CTNND2: variants seen among roughly 807,000 people sequenced by gnomAD.
CTNND2 encodes the protein catenin delta-2.
CTNND2 carries 22 observed loss-of-function variants against 144.4 expected under a neutral mutation model. The ratio of observed to expected loss-of-function variants is 0.15; its 90% CI spans 0.11 to 0.22. The LOEUF (loss-of-function observed/expected upper bound fraction) is 0.22. Among genes scored for constraint, CTNND2 ranks in the 10% least tolerant of loss-of-function variants. The pLI, the probability that CTNND2 is intolerant of heterozygous loss-of-function variation, is 1.00. For missense variants in CTNND2, 1,353 were observed against 1,618.8 expected, an observed-to-expected ratio of 0.84 and a Z score of 2.82; for synonymous variants, 751 against 695.6, an observed-to-expected ratio of 1.08 and a Z score of -1.25.
chr5:11,773,159 T>C (rs73047167), intron 1 of CTNND2, among the ~76,000 whole-genome samples: 2,889 of 152,252 alleles, frequency 0.019, 89 homozygotes, highest in African/African-American at 0.062. Flanking sequence ...AGTGCACCTA[T>C]TTTAGGAAGT....
At chr5:11,111,696 G>A (rs918690747) in intron 13 of CTNND2, among the ~76,000 whole-genome samples, 47 of 152,156 alleles carry the variant, frequency 3.1e-4, no homozygotes, top group African/African-American at 1.0e-3. Flanking sequence ...ATTTAGCTGT[G>A]GGACTTTGGA....
chr5:11,083,856 C>T (rs1181043458), intron 15 of CTNND2: 3 of 1,094,274 alleles, frequency 2.7e-6, no homozygotes, highest in Non-Finnish European at 3.4e-6. Flanking sequence ...CCCATGGGGG[C>T]AGGCACCCCA....
intron 9 of CTNND2, among the ~76,000 whole-genome samples, chr5:11,332,839 A>G (rs2149718332): frequency 6.6e-6 from 1 of 152,228 alleles, no homozygotes; most frequent in East Asian, 1.9e-4. Flanking sequence ...AATTCCCTAT[A>G]CTGCTCTTGT....
chr5:11,575,900 A>G (rs76246179), intron 2 of CTNND2, among the ~76,000 whole-genome samples: 1,734 of 152,196 alleles, frequency 0.011, 12 homozygotes, highest in Non-Finnish European at 0.02. Flanking sequence ...GAAAGCCTCA[A>G]TGACTAGTTC....
chr5:11,756,681 A>C (rs532379047), intron 1 of CTNND2, among the ~76,000 whole-genome samples: 1 of 150,752 alleles, frequency 6.6e-6, no homozygotes, highest in East Asian at 2.0e-4. Flanking sequence ...CACTTAACAG[A>C]AATGTGATGA....
At position 11,199,618 on chromosome 5, in the gene CTNND2, T is replaced by G; in HGVS notation, c.1805A>C (p.Asp602Ala). The G allele has an allele frequency of 1.2e-6, 2 of 1,614,174 alleles. No individual in the cohort carries two copies. The highest frequency in any genetic ancestry group is 1.7e-6 in the Non-Finnish European group (2 of 1,180,032). Residue 602 changes from aspartate to alanine, a missense_variant, in exon 11 of 22, where the codon GAT (aspartate) becomes GCT (alanine). By Grantham distance (126) the Asp-to-Ala change is moderately radical (BLOSUM62 -2). Transcript: ENST00000304623. ...GGIQLLVDLL[D>A]HRMTEVHRSA... ...ACGGTGGACTTCGGTCATCCGATGATCCAACAGGTCCACCAGGAGCTGGAT... is the reference window on the plus strand; with the variant it reads ...ACGGTGGACTTCGGTCATCCGATGAGCCAACAGGTCCACCAGGAGCTGGAT...
intron 14 of CTNND2, among the ~76,000 whole-genome samples, chr5:11,110,252 AG>A (rs1158755655): frequency 6.6e-6 from 1 of 152,112 alleles, no homozygotes; most frequent in Non-Finnish European, 1.5e-5. Flanking sequence ...GCAGCAGGTG[AG>A]GGCCATTCTG....
intron 9 of CTNND2, among the ~76,000 whole-genome samples, chr5:11,286,416 C>T (rs1054021898): frequency 2.0e-5 from 3 of 152,152 alleles, no homozygotes; most frequent in Non-Finnish European, 4.4e-5. Context: ...AAGGTAGGTG[C>T]TTGTATTAGA....
intron 3 of CTNND2, among the ~76,000 whole-genome samples, chr5:11,452,312 A>G (rs1765376336): frequency 6.6e-6 from 1 of 152,266 alleles, no homozygotes; most frequent in African/African-American, 2.4e-5. Context: ...TGGTAAACAG[A>G]AATGAATTTC....
chr5:11,741,663 A>G (rs115082223), intron 1 of CTNND2, among the ~76,000 whole-genome samples: 2,084 of 151,858 alleles, frequency 0.014, 38 homozygotes, highest in African/African-American at 0.044. Flanking sequence ...GCACATGTAT[A>G]CTTACATAAC....
intron 3 of CTNND2, among the ~76,000 whole-genome samples, chr5:11,514,656 G>A (rs1771997858): frequency 1.3e-5 from 2 of 152,218 alleles, no homozygotes; most frequent in Admixed American, 6.5e-5. Context: ...TGTAGTGACA[G>A]TTGACACACA....
At chr5:11,105,240 T>G (rs1362346725) in intron 14 of CTNND2, among the ~76,000 whole-genome samples, 3 of 152,270 alleles carry the variant, frequency 2.0e-5, no homozygotes, top group African/African-American at 7.2e-5. Flanking sequence ...GCTTTGTCCC[T>G]GACGTGCCAA....
At chr5:11,239,678 T>C (rs1580677839) in intron 9 of CTNND2, among the ~76,000 whole-genome samples, 2 of 152,240 alleles carry the variant, frequency 1.3e-5, no homozygotes, top group African/African-American at 4.8e-5. Flanking sequence ...CGCCCACTCC[T>C]GCCTCACAGG....
intron 1 of CTNND2, among the ~76,000 whole-genome samples, chr5:11,875,720 A>C (rs1024719236): frequency 1.3e-5 from 2 of 152,234 alleles, no homozygotes; most frequent in African/African-American, 4.8e-5. Context: ...CCCGGCTTTC[A>C]GAACTGTGGG....
intron 3 of CTNND2, among the ~76,000 whole-genome samples, chr5:11,497,031 C>T (rs1015701489): frequency 3.3e-5 from 5 of 152,022 alleles, no homozygotes; most frequent in African/African-American, 1.2e-4. Context: ...TTAGGGAGTA[C>T]AGGGTTAGTA....
At chr5:11,435,928 T>C (rs1325226411) in intron 3 of CTNND2, among the ~76,000 whole-genome samples, 1 of 152,206 alleles carries the variant, frequency 6.6e-6, no homozygotes, top group African/African-American at 2.4e-5. Flanking sequence ...GAGTGCTTAC[T>C]GATGGGGACT....
rs148346854 is a variant in CTNND2, at chr5:11,259,746, A to G, written c.1629-22923T>C. Among the ~76,000 whole-genome samples, 238 of 152,270 alleles carry G rather than the reference A, an allele frequency of 1.6e-3. 1 individual carries two copies. The highest frequency in any genetic ancestry group is 5.2e-3 in the African/African-American group (216 of 41,558). The stretch of plus-strand genomic sequence containing the variant: ...TGCAATGTGTCCAAATAGCACCTGG[A>G]TTTTGCTGAATTCTTTCTCTTCAGA... On this transcript the variant is annotated intron_variant, in intron 9 of 21. Coordinates refer to ENST00000304623, the MANE Select transcript of CTNND2 (RefSeq NM_001332.4).
intron 16 of CTNND2, among the ~76,000 whole-genome samples, chr5:11,072,243 C>T (rs940708186): frequency 6.6e-6 from 1 of 152,206 alleles, no homozygotes; most frequent in South Asian, 2.1e-4. Flanking sequence ...ATGTTGCAGT[C>T]TTAGTGAGCC....
intron 3 of CTNND2, 141 bp downstream of exon 3, chr5:11,564,803 T>G (rs1249508452): frequency 1.3e-5 from 8 of 601,574 alleles, no homozygotes; most frequent in Non-Finnish European, 2.1e-5. Flanking sequence ...TTGAACATCT[T>G]AAATCAGGTC....
Sources: allele counts gnomAD v4.1 joint callset (sites outside exome capture counted in the v4.1 genomes callset), GRCh38; gene constraint gnomAD v4.1.1; transcripts MANE v1.5; gene names NCBI Gene and HGNC (gene_info 2026-07-23, HGNC 2026-07-21).